The following FGGY variants were observed in gnomAD, a reference collection of about 807,000 sequenced individuals.
FGGY encodes the protein FGGY carbohydrate kinase domain-containing protein.
FGGY carries 72 observed loss-of-function variants against 71.3 expected under a neutral mutation model. The observed-to-expected ratio is 1.01, with a 90% CI of 0.84 to 1.23. The LOEUF (loss-of-function observed/expected upper bound fraction) is 1.23, where lower values mean the gene tolerates loss of function less well. FGGY is among the 50% of genes most tolerant of loss of function. The pLI, the probability that FGGY is intolerant of heterozygous loss-of-function variation, is 0.00. For synonymous variants in FGGY, 251 were observed against 250.3 expected (o/e 1.00, Z -0.02); for missense variants, 668 against 682.3 (o/e 0.98, Z 0.23).
intron 7 of FGGY, among the ~76,000 whole-genome samples, chr1:59,531,573 G>T (rs1449187116): frequency 6.6e-6 from 1 of 152,154 alleles, no homozygotes; most frequent in Non-Finnish European, 1.5e-5. Flanking sequence ...TTTATACGCT[G>T]AGCATTTACT....
intron 7 of FGGY, among the ~76,000 whole-genome samples, chr1:59,514,673 A>G (rs1489394258): frequency 1.3e-5 from 2 of 152,080 alleles, no homozygotes; most frequent in Non-Finnish European, 2.9e-5. Context: ...TTCCCATGCT[A>G]TTCTCGTGAT....
chr1:59,682,942 G>A (rs1310035751), intron 14 of FGGY, among the ~76,000 whole-genome samples: 1 of 152,170 alleles, frequency 6.6e-6, no homozygotes, highest in Non-Finnish European at 1.5e-5. Flanking sequence ...ATAGCAAGAT[G>A]TTCTCAATGA....
At chr1:59,748,652 G>T (rs1035482892) in intron 14 of FGGY, among the ~76,000 whole-genome samples, 3 of 152,198 alleles carry the variant, frequency 2.0e-5, no homozygotes, top group Non-Finnish European at 2.9e-5. Flanking sequence ...TTCAAAAAGC[G>T]ATGGAACACT....
At chr1:59,668,016 G>T (rs948598397) in intron 13 of FGGY, among the ~76,000 whole-genome samples, 2 of 152,152 alleles carry the variant, frequency 1.3e-5, no homozygotes, top group Admixed American at 1.3e-4. Context: ...TGCAGACTGG[G>T]AATTTGAGCC....
intron 6 of FGGY, among the ~76,000 whole-genome samples, chr1:59,473,163 T>C (rs1157978486): frequency 6.6e-6 from 1 of 152,134 alleles, no homozygotes; most frequent in Admixed American, 6.5e-5. Flanking sequence ...ACTCTTTGGG[T>C]CCACTTTGCC....
chr1:59,373,176 A>C (rs1273356631), intron 4 of FGGY, among the ~76,000 whole-genome samples: 2 of 151,746 alleles, frequency 1.3e-5, no homozygotes, highest in Non-Finnish European at 2.9e-5. Context: ...GTCTCAGCCC[A>C]AAATCCCCTT....
intron 2 of FGGY, among the ~76,000 whole-genome samples, chr1:59,333,937 C>T (rs2048974283): frequency 6.6e-6 from 1 of 152,150 alleles, no homozygotes; most frequent in South Asian, 2.1e-4. Flanking sequence ...TTCTCTAGAT[C>T]ACATGTCCTT....
At chr1:59,753,513 T>TATATATA (rs2098264898) in intron 14 of FGGY, among the ~76,000 whole-genome samples, 4 of 118,602 alleles carry the variant, frequency 3.4e-5, no homozygotes, top group African/African-American at 6.4e-5. Context: ...TATATATATA[T>TATATATA]GGCATTACAT....
At chr1:59,451,126 C>T (rs2072596745) in intron 5 of FGGY, among the ~76,000 whole-genome samples, 1 of 151,992 alleles carries the variant, frequency 6.6e-6, no homozygotes, top group Non-Finnish European at 1.5e-5. Flanking sequence ...ATTGGTTTCA[C>T]TGGCTTGTTA....
intron 4 of FGGY, 144 bp from the exon 5 acceptor site, chr1:59,378,605 T>C (rs2058964527): frequency 3.2e-6 from 2 of 623,720 alleles, no homozygotes; most frequent in Non-Finnish European, 5.6e-6. Flanking sequence ...TTTTATATTA[T>C]TCCTACCCCC....
chr1:59,632,997 ATTTCTT>A (rs1235365521), intron 10 of FGGY, among the ~76,000 whole-genome samples: 8 of 145,842 alleles, frequency 5.5e-5, no homozygotes, highest in African/African-American at 1.8e-4. Context: ...ATTATTATAC[ATTTCTT>A]TTTTTTTTTT....
chr1:59,534,760 A>C (rs376559534), intron 7 of FGGY, among the ~76,000 whole-genome samples: 1 of 151,656 alleles, frequency 6.6e-6, no homozygotes, highest in African/African-American at 2.4e-5. Context: ...GAAATAAAAT[A>C]CTTTACAGAC....
intron 4 of FGGY, among the ~76,000 whole-genome samples, chr1:59,352,511 C>T (rs77071359): frequency 0.11 from 16,513 of 152,228 alleles, 926 homozygotes; most frequent in Middle Eastern, 0.12. Context: ...GCTTCTCTCT[C>T]CCCTGTCTGT....
chr1:59,568,457 G>A (rs1430979253), intron 8 of FGGY, among the ~76,000 whole-genome samples: 3 of 133,016 alleles, frequency 2.3e-5, no homozygotes, highest in East Asian at 4.4e-4. Context: ...TTCTATGGTC[G>A]GGGGGGCGGG....
chr1:59,481,888 T>C lies in FGGY; in HGVS notation c.670+24812T>C, dbSNP rs141705638. Among the ~76,000 whole-genome samples the C allele has an allele frequency of 3.8e-3, 586 of 152,286 alleles. 7 individuals are homozygous for C. The highest frequency in any genetic ancestry group is 0.013 in the African/African-American group (560 of 41,564). ...ACATGTTTACCCATGGGAATGTGTA[T>C]GTATTTGGATCTATTTCACAGAGTA... On this transcript the variant is annotated intron_variant, in intron 6 of 15. Coordinates refer to ENST00000303721, the MANE Select transcript of FGGY (RefSeq NM_018291.5).
At chr1:59,342,483 A>G (rs2050910865) in intron 3 of FGGY, among the ~76,000 whole-genome samples, 1 of 152,208 alleles carries the variant, frequency 6.6e-6, no homozygotes, top group East Asian at 1.9e-4. Flanking sequence ...ATAAGTGTTG[A>G]AATAACTTTA....
intron 6 of FGGY, among the ~76,000 whole-genome samples, chr1:59,468,130 C>G (rs754645805): frequency 1.3e-5 from 2 of 151,964 alleles, no homozygotes; most frequent in Non-Finnish European, 2.9e-5. Flanking sequence ...CTCGAACTCT[C>G]GACCTCAAGT....
chr1:59,629,993 G>T (rs1027126183), intron 10 of FGGY, among the ~76,000 whole-genome samples: 2 of 152,148 alleles, frequency 1.3e-5, no homozygotes, highest in Non-Finnish European at 2.9e-5. Context: ...AAGGAAAGAG[G>T]TTTAATTGAC....
intron 14 of FGGY, among the ~76,000 whole-genome samples, chr1:59,752,472 C>T (rs577397701): frequency 1.3e-5 from 2 of 152,284 alleles, no homozygotes; most frequent in East Asian, 1.9e-4. Flanking sequence ...TGACAGTCTT[C>T]CCCAAAAGGC....
Sources: allele counts gnomAD v4.1 joint callset (sites outside exome capture counted in the v4.1 genomes callset), GRCh38; gene constraint gnomAD v4.1.1; transcripts MANE v1.5; gene names NCBI Gene and HGNC (gene_info 2026-07-23, HGNC 2026-07-21).